HRNR: variants seen among roughly 807,000 people sequenced by gnomAD.
The protein encoded by HRNR is filaggrin family member 3.
In HRNR, 7 loss-of-function variants were observed where a neutral mutation model predicts 4.8. The observed-to-expected ratio is 1.47, with a 90% CI of 0.83 to 2.75. The LOEUF is 2.75. HRNR is among the 30% of genes most tolerant of loss of function. The probability of loss-of-function intolerance (pLI) is 0.00; values close to 1 mark genes in which losing one functional copy is unlikely to be tolerated. For missense variants in HRNR, 2,879 were observed against 3,010.4 expected, an observed-to-expected ratio of 0.96 and a Z score of 1.02; for synonymous variants, 1,023 against 1,242.7, an observed-to-expected ratio of 0.82 and a Z score of 3.72.
Position 152,220,107 on chromosome 1 carries a change from C to G in HRNR, c.1522G>C (p.Gly508Arg). 2.5e-6 allele frequency: 4 copies of G among 1,613,478 alleles called. No homozygotes were observed. Among genetic ancestry groups the G allele is most frequent in the Non-Finnish European group, 3.4e-6 (4 of 1,179,682 alleles). The change falls in exon 3 of 3, where the codon GGA becomes CGA. Residue 508 changes from glycine (G) to arginine (R), a missense_variant. By Grantham distance (125) the Gly-to-Arg change is moderately radical. Coordinates refer to ENST00000368801, the MANE Select transcript of HRNR (RefSeq NM_001009931.3). Reference sequence around the variant, plus strand: ...CTGGAAGATGAACCTGCACTAGATCCTTGTCGTTCACCCCTAGATGACTGT... The same window carrying G: ...CTGGAAGATGAACCTGCACTAGATCGTTGTCGTTCACCCCTAGATGACTGT... ...SGQSSRGERQGSSAGSSSSYG... is the reference protein window; with the variant it reads ...SGQSSRGERQRSSAGSSSSYG...
rs1344321696 is a variant in HRNR, at chr1:152,221,447, A to C, written c.182T>G (p.Leu61Arg). Residue 61 changes from leucine to arginine, a missense_variant, in exon 3 of 3, where the codon CTG becomes CGG. Physicochemically the swap from Leu to Arg is moderately radical, Grantham distance 102. Around this residue, in one of 8 missense-constraint regions of HRNR, gnomAD observed 2,646 missense variants for 1,377.7 expected, o/e 1.92. Coordinates refer to ENST00000368801, the MANE Select transcript of HRNR (RefSeq NM_001009931.3). ...PDTVDIILQS[L>R]DRDHNKKVDF... Reference sequence around the variant, plus strand: ...CACTTTCTTGTTATGGTCTCGATCCAGACTTTGCAAGATGATATCCACAGT... The same window carrying C: ...CACTTTCTTGTTATGGTCTCGATCCCGACTTTGCAAGATGATATCCACAGT... 2 of 1,611,616 alleles carry C rather than the reference A, an allele frequency of 1.2e-6. No individual in the cohort carries two copies. The highest frequency in any genetic ancestry group is 3.3e-5 in the Admixed American group (2 of 59,886).
Position 152,212,179 on chromosome 1 carries a change from G to C in HRNR, c.*897C>G, listed in dbSNP as rs1044877121. On this transcript the variant is annotated 3_prime_UTR_variant, in exon 3 of 3. Transcript: ENST00000368801. ...TACAGTCAAATTAAGGAACTATGTA[G>C]CAGTGACAGATACTCTTCCTTTTCA... 6 of 152,190 alleles carry C rather than the reference G, an allele frequency of 3.9e-5. No individual in the cohort carries two copies. The highest frequency in any genetic ancestry group is 4.8e-5 in the African/African-American group (2 of 41,452). 9.4% of individuals were successfully genotyped at this position (152,190 alleles called of 1,614,324 possible). A position where few individuals can be genotyped will look rare whatever the true frequency, so the allele number is the denominator to read the frequency against.
chr1:152,213,052 G>C lies in HRNR; in HGVS notation c.*24C>G. On this transcript the variant is annotated 3_prime_UTR_variant, in exon 3 of 3. Transcript: ENST00000368801. ...TCCTATTTCTTAAATTGCTACTTGA[G>C]TAAATTGCATTTATGTTTATTATTC... is the stretch of plus-strand genomic sequence containing the variant. 6.3e-7 allele frequency: 1 copy of C among 1,589,606 alleles called. No individual in the cohort carries two copies. Among genetic ancestry groups the C allele is most frequent in the Non-Finnish European group, 8.6e-7 (1 of 1,167,684 alleles).
rs987229187 is a variant in HRNR at position 152,212,939 on chromosome 1, A to G, written c.*137T>C. On this transcript the variant is annotated 3_prime_UTR_variant, in exon 3 of 3. Coordinates refer to ENST00000368801, the MANE Select transcript of HRNR (RefSeq NM_001009931.3). ...ATATATGCTACAGTTTTAGGCTCTA[A>G]AGAAAGAGACAGAAATGCATTGATT... 5 of 1,219,134 alleles carry G rather than the reference A, an allele frequency of 4.1e-6. No homozygotes were observed. The highest frequency in any genetic ancestry group is 5.6e-6 in the Non-Finnish European group (5 of 888,502). 75.5% of individuals were successfully genotyped at this position (1,219,134 alleles called of 1,614,324 possible).
Position 152,218,731 on chromosome 1 carries a change from C to G in HRNR, c.2898G>C (p.Gln966His), listed in dbSNP as rs1257342332. ...ATCCATGTTGTTCGCTCCTAGATGA[C>G]TGTCCTGACCTAGAGCCGTGTTGTT... Reference protein sequence around the residue: ...SYEQHGSRSGQSSRSEQHGSS... With the variant: ...SYEQHGSRSGHSSRSEQHGSS... Residue 966 changes from glutamine (Q) to histidine (H), a missense_variant, in exon 3 of 3, where the codon CAG becomes CAC. Physicochemically the swap from Gln to His is conservative, Grantham distance 24. Around this residue, in one of 8 missense-constraint regions of HRNR, gnomAD observed 2,646 missense variants for 1,377.7 expected, o/e 1.92. Transcript: ENST00000368801. The G allele has an allele frequency of 9.9e-6, 16 of 1,613,840 alleles. No homozygotes were observed. Among genetic ancestry groups the G allele is most frequent in the African/African-American group, 1.3e-5 (1 of 74,840 alleles).
rs776737185 is a variant in HRNR at position 152,219,142 on chromosome 1, A to T, written c.2487T>A (p.Ser829Arg). Residue 829 changes from serine to arginine, a missense_variant, in exon 3 of 3, where the codon AGT becomes AGA. Physicochemically the swap from Ser to Arg is moderately radical, Grantham distance 110. This residue lies in a region of HRNR where 2,646 missense variants were observed against 1,377.7 expected (regional missense o/e 1.92). Coordinates refer to ENST00000368801, the MANE Select transcript of HRNR (RefSeq NM_001009931.3). The part of the protein sequence containing the change: ...QHESGSGQGY[S>R]QHGSASGHFS... ...AGTGACCTGAGGCAGAACCATGCTG[A>T]CTATAGCCCTGTCCTGAGCCAGACT... 7.9e-5 allele frequency: 128 copies of T among 1,613,438 alleles called. 1 individual carries two copies. The highest frequency in any genetic ancestry group is 1.7e-4 in the Middle Eastern group (1 of 6,056).
rs751470131 is a variant in HRNR, at chr1:152,219,301, A to G, written c.2328T>C (p.Pro776=). Residue 776 remains proline (P), a synonymous_variant, in exon 3 of 3, where the codon CCT becomes CCC. Coordinates refer to ENST00000368801, the MANE Select transcript of HRNR (RefSeq NM_001009931.3). ...GRQGSGSGHS[P]SRVRHGSSSG... ...AACTGGACCCATGTCGGACACGGCT[A>G]GGAGAGTGGCCAGATCCAGACCCTT... 4 of 1,609,496 alleles carry G rather than the reference A, an allele frequency of 2.5e-6. No individual in the cohort carries two copies. Among genetic ancestry groups the G allele is most frequent in the East Asian group, 2.2e-5 (1 of 44,568 alleles).
Position 152,213,399 on chromosome 1 carries a change from A to C in HRNR, c.8230T>G (p.Ser2744Ala), listed in dbSNP as rs1288796409. 1.7e-6 allele frequency: 1 copy of C among 586,534 alleles called. No individual in the cohort carries two copies. Among genetic ancestry groups the C allele is most frequent in the African/African-American group, 2.3e-5 (1 of 43,930 alleles). The allele number at this position is 586,534 out of a possible 1,614,324, so 36.3% of individuals were successfully genotyped here. A position where few individuals can be genotyped will look rare whatever the true frequency, so the allele number is the denominator to read the frequency against. ...DQEGSSTGQS[S>A]SYGHRGSGSS... ...CCAGAGCCACGGTGGCCATAGCTGG[A>C]AGACTGGCCTGTGCTAGATCCCTCC... The change falls in exon 3 of 3, where the codon TCC becomes GCC. Residue 2744 changes from serine (S) to alanine (A), a missense_variant. By Grantham distance (99) the Ser-to-Ala change is moderately conservative (BLOSUM62 1). Transcript: ENST00000368801.
In HRNR at chr1:152,220,505, C is replaced by A. The variant is rs555346363; in HGVS notation, c.1124G>T (p.Gly375Val). 51 of 1,612,202 alleles carry A rather than the reference C, an allele frequency of 3.2e-5. No homozygotes were observed. The highest frequency in any genetic ancestry group is 4.2e-5 in the Non-Finnish European group (49 of 1,178,914). ...CTGCCCTGACGTAGATCCATGTTGT[C>A]CCTGGCTAGAGGAGTGACCTGAGCC... Reference protein sequence around the residue: ...GSGSGHSSSQGQHGSTSGQAS... With the variant: ...GSGSGHSSSQVQHGSTSGQAS... Residue 375 changes from glycine to valine, a missense_variant, in exon 3 of 3, where the codon GGA (glycine) becomes GTA (valine). Gly to Val is a moderately radical substitution (Grantham distance 109, BLOSUM62 -3). Transcript: ENST00000368801.
chr1:152,223,813 C>G (rs1439836704), intron 1 of HRNR, among the ~76,000 whole-genome samples: 1 of 152,158 alleles, frequency 6.6e-6, no homozygotes, highest in Non-Finnish European at 1.5e-5. Context: ...AGCTTCTGTT[C>G]TCATTCTCCA....
At position 152,221,540 on chromosome 1, in the gene HRNR, A is replaced by C. The variant is rs376371265; in HGVS notation, c.139-50T>G. 7 of 1,365,552 alleles carry C rather than the reference A, an allele frequency of 5.1e-6. No homozygotes were observed. In the African/African-American group the frequency reaches 8.6e-5, roughly 17 times the overall value. The allele number at this position is 1,365,552 out of a possible 1,614,324, so 84.6% of individuals were successfully genotyped here. On this transcript the variant is annotated intron_variant, in intron 2 of 2. Coordinates refer to ENST00000368801, the MANE Select transcript of HRNR (RefSeq NM_001009931.3). The stretch of plus-strand genomic sequence containing the variant: ...GTAGCTCTGTTAGTATGGACAATAC[A>C]TCTGGCTAACGAACTGAAGGAAAGA...
chr1:152,223,244 G>A lies in HRNR; in HGVS notation c.10C>T (p.Leu4Phe). MPK[L>F]LQGVITVIDV... ...ATGACAGTGATGACGCCTTGTAGGA[G>A]TTTAGGCATTTTTTTTTTTGCAAGT... Residue 4 changes from leucine to phenylalanine, a missense_variant, in exon 2 of 3, where the codon CTC (leucine) becomes TTC (phenylalanine). This residue lies in a region of HRNR where 2,646 missense variants were observed against 1,377.7 expected (regional missense o/e 1.92). Transcript: ENST00000368801. 2 of 1,501,920 alleles carry A rather than the reference G, an allele frequency of 1.3e-6. No homozygotes were observed. Among genetic ancestry groups the A allele is most frequent in the Non-Finnish European group, 1.8e-6 (2 of 1,127,122 alleles). 93.0% of individuals were successfully genotyped at this position (1,501,920 alleles called of 1,614,324 possible).
In HRNR at chr1:152,221,139, C is replaced by T. The variant is rs1190126516; in HGVS notation, c.490G>A (p.Asp164Asn). The change falls in exon 3 of 3, where the codon GAC (aspartate) becomes AAC (asparagine). Residue 164 changes from aspartate to asparagine, a missense_variant. Asp to Asn is a conservative substitution (Grantham distance 23). This residue lies in a region of HRNR where 2,646 missense variants were observed against 1,377.7 expected (regional missense o/e 1.92). Transcript: ENST00000368801. ...SISRRLSFQR[D>N]FSGQHNSYSG... ...TAGGAGTTATGTTGGCCAGAAAAGT[C>T]TCTTTGAAAACTCAGTCTTCTGGAT... 1.2e-6 allele frequency: 2 copies of T among 1,614,224 alleles called. No individual in the cohort carries two copies. Among genetic ancestry groups the T allele is most frequent in the East Asian group, 4.5e-5 (2 of 44,886 alleles).
At position 152,213,183 on chromosome 1, in the gene HRNR, C is replaced by G. The variant is rs773634068; in HGVS notation, c.8446G>C (p.Gly2816Arg). Residue 2816 changes from glycine to arginine, a missense_variant, in exon 3 of 3, where the codon GGA (glycine) becomes CGA (arginine). Around this residue, in one of 8 missense-constraint regions of HRNR, gnomAD observed 158 missense variants for 107.6 expected, o/e 1.47. Transcript: ENST00000368801. ...GQDGYSYCKG[G>R]SNHDGGSSGS... ...GAACTTCCCCCATCATGGTTACTTC[C>G]TCCTTTGCAATAAGAATACCCATCT... 3.7e-6 allele frequency: 6 copies of G among 1,614,092 alleles called. No individual in the cohort carries two copies.
Position 152,213,120 on chromosome 1 carries a change from G to C in HRNR, c.8509C>G (p.Pro2837Ala), listed in dbSNP as rs199648887. 4.7e-5 allele frequency: 76 copies of C among 1,613,726 alleles called. No individual in the cohort carries two copies. Among genetic ancestry groups the C allele is most frequent in the Non-Finnish European group, 6.3e-5 (74 of 1,179,934 alleles). The change falls in exon 3 of 3, where the codon CCC (proline) becomes GCC (alanine). Residue 2837 changes from proline (P) to alanine (A), a missense_variant. By Grantham distance (27) the Pro-to-Ala change is conservative. Coordinates refer to ENST00000368801, the MANE Select transcript of HRNR (RefSeq NM_001009931.3). ...CTCTGCTCTTGGACATATTCATAGG[G>C]TGAAGTGCTACTAGGAAAACTGAGA... Reference protein sequence around the residue: ...YFLSFPSSTSPYEYVQEQRCY... With the variant: ...YFLSFPSSTSAYEYVQEQRCY...
intron 2 of HRNR, among the ~76,000 whole-genome samples, chr1:152,222,535 G>C (rs902892983): frequency 6.6e-6 from 1 of 152,154 alleles, no homozygotes; most frequent in Non-Finnish European, 1.5e-5. Flanking sequence ...TGCTGAGAGA[G>C]AGACAATAAA....
Position 152,220,263 on chromosome 1 carries a change from C to T in HRNR, c.1366G>A (p.Val456Met), listed in dbSNP as rs1220232022. The change falls in exon 3 of 3, where the codon GTG becomes ATG. Residue 456 changes from valine (V) to methionine (M), a missense_variant. By Grantham distance (21) the Val-to-Met change is conservative. Coordinates refer to ENST00000368801, the MANE Select transcript of HRNR (RefSeq NM_001009931.3). ...CCAGAAGAGTAGCCTGAACCAGACA[C>T]ATATGGGCCACTGCTGGAAGATCGA... ...FGRSSSSGPYVSGSGYSSGFG... is the reference protein window; with the variant it reads ...FGRSSSSGPYMSGSGYSSGFG... 5.0e-6 allele frequency: 8 copies of T among 1,614,036 alleles called. No individual in the cohort carries two copies. The highest frequency in any genetic ancestry group is 2.2e-5 in the East Asian group (1 of 44,848).
At chr1:152,223,307 C>T (rs1215775191) in intron 1 of HRNR, 29 bp from the exon 2 acceptor site, 6 of 1,356,324 alleles carry the variant, frequency 4.4e-6, no homozygotes, top group Non-Finnish European at 6.2e-6. Flanking sequence ...GAGACCAACC[C>T]CTTACTATTC....
In HRNR at chr1:152,216,360, G is replaced by A; in HGVS notation, c.5269C>T (p.His1757Tyr). The A allele has an allele frequency of 6.2e-7, 1 of 1,605,556 alleles. No individual in the cohort carries two copies. The highest frequency in any genetic ancestry group is 2.3e-5 in the East Asian group (1 of 44,052). ...RSGHSSVFGQ[H>Y]ESGSGHSSAY... ...GAGGAATGTCCTGAGCCAGACTCATGTTGACCAAAGACAGAAGAGTGACCC... is the reference window on the plus strand; with the variant it reads ...GAGGAATGTCCTGAGCCAGACTCATATTGACCAAAGACAGAAGAGTGACCC... Residue 1757 changes from histidine (H) to tyrosine (Y), a missense_variant, in exon 3 of 3, where the codon CAT (histidine) becomes TAT (tyrosine). His to Tyr is a moderately conservative substitution (Grantham distance 83). Around this residue, in one of 8 missense-constraint regions of HRNR, gnomAD observed 5 missense variants for 621.9 expected, o/e 0.01. Coordinates refer to ENST00000368801, the MANE Select transcript of HRNR (RefSeq NM_001009931.3).
Sources: gnomAD v4.1 joint callset for allele counts (sites outside exome capture counted in the v4.1 genomes callset) on GRCh38, gnomAD v4.1.1 for gene constraint, gnomAD v4.1.1 regional missense constraint, MANE v1.5 for transcripts, NCBI Gene and HGNC (gene_info 2026-07-23, HGNC 2026-07-21) for gene names.